Variants in ARVCF observed in about 807,000 individuals in gnomAD.
ARVCF encodes the protein ARVCF delta catenin family member.
A neutral mutation model predicts 90.9 loss-of-function variants in ARVCF; 66 were observed. The observed-to-expected ratio is 0.73, with a 90% CI of 0.60 to 0.89. The LOEUF (loss-of-function observed/expected upper bound fraction) is 0.89, where lower values mean the gene tolerates loss of function less well. ARVCF is among the 40% of genes least tolerant of loss of function. The probability of loss-of-function intolerance (pLI) is 0.00; values close to 1 mark genes in which losing one functional copy is unlikely to be tolerated. For missense variants in ARVCF, 1,469 were observed against 1,382.3 expected, an observed-to-expected ratio of 1.06 and a Z score of -1.00; for synonymous variants, 653 against 603.4, an observed-to-expected ratio of 1.08 and a Z score of -1.21.
chr22:19,968,619 GC>G, downstream of ARVCF: 1 of 1,614,088 alleles, frequency 6.2e-7, no homozygotes, highest in South Asian at 1.1e-5. Context: ...TAGCACACGT[GC>G]GCGGGAGCAG....
At chr22:19,989,388 G>A (rs542044913) in intron 3 of ARVCF, among the ~76,000 whole-genome samples, 1 of 152,280 alleles carries the variant, frequency 6.6e-6, no homozygotes, top group Non-Finnish European at 1.5e-5. Context: ...CCTGCTGGCC[G>A]ACACCAAGTC....
chr22:19,992,861 C>G (rs567482889), intron 2 of ARVCF, among the ~76,000 whole-genome samples: 1 of 152,366 alleles, frequency 6.6e-6, no homozygotes, highest in South Asian at 2.1e-4. Context: ...CCAGCACACC[C>G]TGGCTCTGGG....
chr22:19,992,534 G>C (rs1944067906), intron 2 of ARVCF, among the ~76,000 whole-genome samples: 1 of 152,206 alleles, frequency 6.6e-6, no homozygotes, highest in Non-Finnish European at 1.5e-5. Context: ...GGTGGGAATG[G>C]TAGGGTATTC....
chr22:19,987,358 C>G (rs1017551446), intron 3 of ARVCF, among the ~76,000 whole-genome samples: 3 of 145,450 alleles, frequency 2.1e-5, no homozygotes, highest in East Asian at 2.1e-4. Context: ...CCCTGCAGCC[C>G]CGGGTCGCCC....
intron 3 of ARVCF, 67 bp downstream of exon 3, chr22:19,990,518 C>A: frequency 6.6e-7 from 1 of 1,511,650 alleles, no homozygotes; most frequent in East Asian, 2.4e-5. Flanking sequence ...GCTTGTGGTC[C>A]ACCAGGACCC....
intron 8 of ARVCF, 80 bp downstream of exon 8, chr22:19,977,878 C>T (rs1204324919): frequency 6.9e-7 from 1 of 1,450,584 alleles, no homozygotes; most frequent in African/African-American, 1.4e-5. Flanking sequence ...CCCTGTGCTG[C>T]TCCCACAGTT....
At chr22:19,989,986 T>C (rs1295990746) in intron 3 of ARVCF, among the ~76,000 whole-genome samples, 1 of 152,218 alleles carries the variant, frequency 6.6e-6, no homozygotes, top group East Asian at 1.9e-4. Flanking sequence ...CTGTTTCATC[T>C]ACAGGTTAGA....
rs149971574 is a variant in ARVCF, at chr22:19,979,436, T to C, written c.1396+307A>G. The C allele has an allele frequency of 1.0e-4, 53 of 516,092 alleles. No homozygotes were observed. The East Asian group carries it at 1.7e-3, about 17-fold the overall frequency. 32.0% of individuals were successfully genotyped at this position (516,092 alleles called of 1,614,324 possible). On this transcript the variant is annotated intron_variant, in intron 6 of 19. Coordinates refer to ENST00000263207, the MANE Select transcript of ARVCF (RefSeq NM_001670.3). Reference sequence around the variant, plus strand: ...AGGCACAAGCCCCACCACTGCACGGTTGGGGTGGGAACCAAGGAGGTGGGT... The same window carrying C: ...AGGCACAAGCCCCACCACTGCACGGCTGGGGTGGGAACCAAGGAGGTGGGT...
chr22:19,987,255 G>A (rs1261866102), intron 3 of ARVCF: 2 of 249,318 alleles, frequency 8.0e-6, no homozygotes, highest in Admixed American at 5.6e-5. Context: ...GGGCGGGGCC[G>A]CGCCCAGGTG....
chr22:19,973,687 G>A lies in ARVCF; in HGVS notation c.2195C>T (p.Ala732Val), dbSNP rs1942978682. The A allele has an allele frequency of 4.3e-6, 7 of 1,610,634 alleles. No individual in the cohort carries two copies. The highest frequency in any genetic ancestry group is 5.9e-6 in the Non-Finnish European group (7 of 1,179,858). ...CCGGTCCAGCGAGAGGTTGCGCAGAGCGATGGCGACGGCGCGCACCACCTT... is the reference window on the plus strand; with the variant it reads ...CCGGTCCAGCGAGAGGTTGCGCAGAACGATGGCGACGGCGCGCACCACCTT... ...TDKVVRAVAI[A>V]LRNLSLDRRN... Residue 732 changes from alanine (A) to valine (V), a missense_variant, in exon 13 of 20, where the codon GCT becomes GTT. By Grantham distance (64) the Ala-to-Val change is moderately conservative. Transcript: ENST00000263207.
chr22:19,977,296 T>C (rs970929844), intron 9 of ARVCF, 119 bp downstream of exon 9: 10 of 1,330,314 alleles, frequency 7.5e-6, no homozygotes, highest in East Asian at 5.2e-5. Context: ...TGCCTGCCTG[T>C]TGGGGGCTGA....
Position 19,978,005 on chromosome 22 carries a change from G to A in ARVCF, c.1651C>T (p.Leu551=), listed in dbSNP as rs762383452. ...RECEGLVDAL[L]HALQSAVGRK... is the part of the protein sequence containing the mutation. ...CCCACAGCCGACTGCAGGGCATGCA[G>A]GAGCGCGTCCACCAGCCCTTCACAC... Residue 551 remains leucine (L), a synonymous_variant, in exon 8 of 20, where the codon CTG becomes TTG. Coordinates refer to ENST00000263207, the MANE Select transcript of ARVCF (RefSeq NM_001670.3). 1.2e-6 allele frequency: 2 copies of A among 1,612,006 alleles called. No individual in the cohort carries two copies. Among genetic ancestry groups the A allele is most frequent in the African/African-American group, 2.7e-5 (2 of 74,904 alleles).
intron 2 of ARVCF, among the ~76,000 whole-genome samples, chr22:19,993,278 T>C (rs1944099122): frequency 6.6e-6 from 1 of 152,192 alleles, no homozygotes; most frequent in Non-Finnish European, 1.5e-5. Flanking sequence ...GACTCTGGCC[T>C]ATGACAGGAG....
intron 9 of ARVCF, 140 bp downstream of exon 9, chr22:19,977,275 C>G: frequency 8.3e-7 from 1 of 1,201,892 alleles, no homozygotes; most frequent in Non-Finnish European, 1.1e-6. Flanking sequence ...CTCCTTGACT[C>G]CTGGCTTCCC....
chr22:19,970,142 G>A lies in ARVCF; in HGVS notation c.*614C>T, dbSNP rs1942667491. 3 of 986,302 alleles carry A rather than the reference G, an allele frequency of 3.0e-6. No homozygotes were observed. The highest frequency in any genetic ancestry group is 3.6e-6 in the Non-Finnish European group (3 of 830,592). 61.1% of individuals were successfully genotyped at this position (986,302 alleles called of 1,614,324 possible). A position where few individuals can be genotyped will look rare whatever the true frequency, so the allele number is the denominator to read the frequency against. ...ATGGGCTGGAGAAAGGCTCTCTACT[G>A]CACAGGGGCCTCACGTGACTGCAGG... On this transcript the variant is annotated 3_prime_UTR_variant, in exon 20 of 20. Coordinates refer to ENST00000263207, the MANE Select transcript of ARVCF (RefSeq NM_001670.3).
At chr22:19,966,436 TAAAAA>T (rs362115), downstream of ARVCF, among the ~76,000 whole-genome samples, 8 of 135,294 alleles carry the variant, frequency 5.9e-5, no homozygotes, top group Admixed American at 1.5e-4. Context: ...AGTTCCCCCT[TAAAAA>T]AAAAAAAAAA....
At chr22:19,974,364 G>A in intron 11 of ARVCF, 125 bp from the exon 12 acceptor site, 3 of 1,197,684 alleles carry the variant, frequency 2.5e-6, no homozygotes, top group Non-Finnish European at 3.4e-6. Context: ...GGGTGTGGAT[G>A]AGTCACGTAA....
At chr22:19,966,894 A>T, downstream of ARVCF, 1 of 970,844 alleles carries the variant, frequency 1.0e-6, no homozygotes, top group East Asian at 1.1e-4. Flanking sequence ...AAACCACCTC[A>T]GCATAGTGTC....
At chr22:19,972,613 G>T in intron 16 of ARVCF, 124 bp downstream of exon 16, 2 of 1,204,912 alleles carry the variant, frequency 1.7e-6, no homozygotes, top group Non-Finnish European at 2.3e-6. Context: ...AGAGGGCAGG[G>T]AAAGTGGCCT....
Sources: allele counts gnomAD v4.1 joint callset (sites outside exome capture counted in the v4.1 genomes callset), GRCh38; gene constraint gnomAD v4.1.1; transcripts MANE v1.5; gene names NCBI Gene and HGNC (gene_info 2026-07-23, HGNC 2026-07-21).